DOCK1: variants seen among roughly 807,000 people sequenced by gnomAD.
DOCK1 encodes the protein dedicator of cytokinesis protein 1.
In DOCK1, 138 loss-of-function variants were observed where a neutral mutation model predicts 262.7. The ratio of observed to expected loss-of-function variants is 0.53; its 90% CI spans 0.46 to 0.61. The LOEUF (loss-of-function observed/expected upper bound fraction) is 0.61. Ranked by LOEUF, DOCK1 falls within the 20% of genes least tolerant of loss-of-function variation. The pLI is 0.00. For synonymous variants in DOCK1, 866 were observed against 867.4 expected (o/e 1.00, Z 0.03); for missense variants, 1,908 against 2,370.7 (o/e 0.80, Z 4.05).
chr10:127,132,528 C>G (rs12769565), intron 27 of DOCK1, among the ~76,000 whole-genome samples: 22,731 of 152,142 alleles, frequency 0.15, 1,941 homozygotes, highest in African/African-American at 0.23. Context: ...TTCAGCCTTC[C>G]TTTTTGAGAA....
At chr10:127,288,636 C>T (rs2061242086) in intron 29 of DOCK1, among the ~76,000 whole-genome samples, 1 of 151,696 alleles carries the variant, frequency 6.6e-6, no homozygotes, top group South Asian at 2.1e-4. Flanking sequence ...TAATTTGTCT[C>T]TTACACTGAA....
At chr10:127,418,628 G>T (rs948694653) in intron 45 of DOCK1, 87 bp downstream of exon 45, 1 of 1,456,714 alleles carries the variant, frequency 6.9e-7, no homozygotes, top group Non-Finnish European at 9.1e-7. Context: ...GCCCAGAAAC[G>T]CCCCTGGTCT....
At position 126,993,826 on chromosome 10, in the gene DOCK1, G is replaced by A. The variant is rs537768277; in HGVS notation, c.474-2922G>A. 2.0e-5 allele frequency among the ~76,000 whole-genome samples: 3 copies of A among 152,354 alleles called. No homozygotes were observed. In the South Asian group the frequency reaches 6.2e-4, roughly 32 times the overall value. ...GTATTTGTCTTCCCAGTGGTACAGTGCTTGAGCAAAACTCCAAAGACTAAA... is the reference window on the plus strand; with the variant it reads ...GTATTTGTCTTCCCAGTGGTACAGTACTTGAGCAAAACTCCAAAGACTAAA... On this transcript the variant is annotated intron_variant, in intron 6 of 51. Coordinates refer to ENST00000623213, the MANE Select transcript of DOCK1 (RefSeq NM_001290223.2).
At chr10:127,059,820 TGTG>T (rs377139696) in intron 22 of DOCK1, among the ~76,000 whole-genome samples, 57 of 152,318 alleles carry the variant, frequency 3.7e-4, no homozygotes, top group African/African-American at 1.1e-3. Context: ...TCACTTGGAC[TGTG>T]GTCTGGTTTT....
intron 48 of DOCK1, among the ~76,000 whole-genome samples, chr10:127,436,957 A>G (rs1327146107): frequency 6.6e-6 from 1 of 151,796 alleles, no homozygotes; most frequent in African/African-American, 2.4e-5. Flanking sequence ...CTTGTAATTT[A>G]TTTGTGGGAA....
At chr10:127,014,352 T>TC (rs1284239399) in intron 12 of DOCK1, among the ~76,000 whole-genome samples, 2 of 152,228 alleles carry the variant, frequency 1.3e-5, no homozygotes, top group Non-Finnish European at 2.9e-5. Flanking sequence ...TGCACTTTTT[T>TC]CTCCTGTGAG....
intron 29 of DOCK1, among the ~76,000 whole-genome samples, chr10:127,271,670 T>C (rs191640034): frequency 4.6e-4 from 70 of 152,298 alleles, no homozygotes; most frequent in African/African-American, 1.6e-3. Context: ...GTGGCTGCAC[T>C]GTACACTGTC....
At chr10:127,227,053 A>T (rs7906478) in intron 27 of DOCK1, among the ~76,000 whole-genome samples, 54,097 of 152,046 alleles carry the variant, frequency 0.36, 9,963 homozygotes, top group East Asian at 0.46. Context: ...AGCAAGTGAC[A>T]ATGCTTGTTT....
At chr10:127,392,130 A>G (rs1264632969) in intron 38 of DOCK1, among the ~76,000 whole-genome samples, 1 of 151,510 alleles carries the variant, frequency 6.6e-6, no homozygotes, top group African/African-American at 2.4e-5. Context: ...GTCTCGTGTG[A>G]CGGCTGCCAT....
chr10:127,041,367 A>G (rs573934183), intron 19 of DOCK1, among the ~76,000 whole-genome samples: 2 of 152,246 alleles, frequency 1.3e-5, no homozygotes, highest in East Asian at 3.9e-4. Context: ...CAAAGTGCTG[A>G]GATTACAGAT....
intron 27 of DOCK1, among the ~76,000 whole-genome samples, chr10:127,143,200 T>A (rs2051443322): frequency 6.6e-6 from 1 of 152,196 alleles, no homozygotes; most frequent in African/African-American, 2.4e-5. Context: ...TCTGCAGTCG[T>A]CCATGTGTAA....
intron 31 of DOCK1, 92 bp downstream of exon 31, chr10:127,343,838 A>T: frequency 9.6e-7 from 1 of 1,044,960 alleles, no homozygotes; most frequent in South Asian, 1.5e-5. Flanking sequence ...CTTGATACAA[A>T]TTGAGATGTA....
At chr10:126,964,307 T>G (rs1449604313) in intron 1 of DOCK1, among the ~76,000 whole-genome samples, 1 of 152,164 alleles carries the variant, frequency 6.6e-6, no homozygotes, top group Non-Finnish European at 1.5e-5. Context: ...GCTTATCTCC[T>G]CTCTCCAAGC....
intron 27 of DOCK1, among the ~76,000 whole-genome samples, chr10:127,218,152 C>T (rs1350306764): frequency 2.0e-5 from 3 of 152,096 alleles, no homozygotes; most frequent in African/African-American, 4.8e-5. Flanking sequence ...TAAGAGAATC[C>T]TTGTTAATGT....
chr10:127,040,416 G>A (rs1055965521), intron 19 of DOCK1, among the ~76,000 whole-genome samples: 1 of 152,200 alleles, frequency 6.6e-6, no homozygotes, highest in Non-Finnish European at 1.5e-5. Context: ...ACTCCTTAAA[G>A]GGTCTCTGAT....
chr10:126,940,575 T>C (rs1343263195), intron 1 of DOCK1, among the ~76,000 whole-genome samples: 3 of 152,146 alleles, frequency 2.0e-5, no homozygotes, highest in African/African-American at 7.2e-5. Context: ...GGCTAATTTT[T>C]GTATTTTTAG....
intron 6 of DOCK1, 31 bp downstream of exon 6, chr10:126,990,634 T>G (rs192503473): frequency 1.2e-6 from 2 of 1,608,386 alleles, no homozygotes; most frequent in Admixed American, 3.4e-5. Context: ...ATTTTACGCT[T>G]AAATTATCCA....
At chr10:126,909,205 C>G (rs1486928212) in intron 1 of DOCK1, among the ~76,000 whole-genome samples, 1 of 152,124 alleles carries the variant, frequency 6.6e-6, no homozygotes, top group Non-Finnish European at 1.5e-5. Flanking sequence ...GGCTCACTTG[C>G]AAGGACCAGA....
At chr10:127,441,932 T>C (rs11018090) in intron 49 of DOCK1, among the ~76,000 whole-genome samples, 45,704 of 151,812 alleles carry the variant, frequency 0.3, 7,565 homozygotes, top group East Asian at 0.44. Flanking sequence ...GAATGTGCCC[T>C]CCCTGGGATG....
Sources: gnomAD v4.1 joint callset for allele counts (sites outside exome capture counted in the v4.1 genomes callset) on GRCh38, gnomAD v4.1.1 for gene constraint, MANE v1.5 for transcripts, NCBI Gene and HGNC (gene_info 2026-07-23, HGNC 2026-07-21) for gene names.